RYR3: variants seen among roughly 807,000 people sequenced by gnomAD.
RYR3 encodes the protein brain ryanodine receptor-calcium release channel.
RYR3 carries 207 observed loss-of-function variants against 584.3 expected under a neutral mutation model. The observed-to-expected ratio is 0.35, with a 90% CI of 0.32 to 0.40. The LOEUF (loss-of-function observed/expected upper bound fraction) is 0.40. Ranked by LOEUF, RYR3 falls within the 10% of genes least tolerant of loss-of-function variation. The probability of loss-of-function intolerance (pLI) is 1.00; values close to 1 mark genes in which losing one functional copy is unlikely to be tolerated. For synonymous variants in RYR3, 2,416 were observed against 2,248.5 expected (o/e 1.07, Z -2.11); for missense variants, 5,616 against 6,089.2 (o/e 0.92, Z 2.59).
At chr15:33,725,192 C>CACACACACATATAT (rs1483938201) in intron 45 of RYR3, among the ~76,000 whole-genome samples, 6 of 145,518 alleles carry the variant, frequency 4.1e-5, no homozygotes, top group Non-Finnish European at 1.5e-5. Flanking sequence ...CACACACACA[C>CACACACACATATAT]ACACACACAC....
intron 2 of RYR3, among the ~76,000 whole-genome samples, chr15:33,474,606 T>C (rs1010933492): frequency 2.0e-5 from 3 of 152,240 alleles, no homozygotes; most frequent in Non-Finnish European, 4.4e-5. Flanking sequence ...GTCGTTTGGC[T>C]GAATAACGGC....
At chr15:33,572,409 G>C (rs7167772) in intron 12 of RYR3, among the ~76,000 whole-genome samples, 4,650 of 151,724 alleles carry the variant, frequency 0.031, 227 homozygotes, top group African/African-American at 0.1. Flanking sequence ...ACAGTTCGAG[G>C]TTCAGGCAGT....
At chr15:33,674,592 T>C (rs1279153479) in intron 38 of RYR3, among the ~76,000 whole-genome samples, 1 of 151,864 alleles carries the variant, frequency 6.6e-6, no homozygotes, top group Non-Finnish European at 1.5e-5. Context: ...TTGAGGCTCA[T>C]AAAAAAGAAG....
intron 69 of RYR3, among the ~76,000 whole-genome samples, chr15:33,803,193 A>G (rs986040170): frequency 6.6e-6 from 1 of 152,270 alleles, no homozygotes; most frequent in Non-Finnish European, 1.5e-5. Context: ...CACTTTTAGT[A>G]TGCATTGCTT....
At position 33,726,431 on chromosome 15, in the gene RYR3, C is replaced by G. The variant is rs758576038; in HGVS notation, c.6958C>G (p.Leu2320Val). Residue 2320 changes from leucine (L) to valine (V), a missense_variant, in exon 46 of 104, where the codon CTG becomes GTG. Around this residue, in one of 9 missense-constraint regions of RYR3, gnomAD observed 1,280 missense variants for 1,426.2 expected, o/e 0.90. Coordinates refer to ENST00000634891, the MANE Select transcript of RYR3 (RefSeq NM_001036.6). The stretch of plus-strand genomic sequence containing the variant: ...GGAAGCCATCCGCATCAGGTCCATC[C>G]TGCGCTCCCTGGTCCCCACAGAAGA... ...KGEAIRIRSI[L>V]RSLVPTEDLV... 1.2e-6 allele frequency: 2 copies of G among 1,611,954 alleles called. No homozygotes were observed. Among genetic ancestry groups the G allele is most frequent in the Non-Finnish European group, 1.7e-6 (2 of 1,179,040 alleles).
chr15:33,640,313 TC>T (rs2061729964), intron 27 of RYR3, among the ~76,000 whole-genome samples: 1 of 152,216 alleles, frequency 6.6e-6, no homozygotes, highest in South Asian at 2.1e-4. Flanking sequence ...GCCTGTTGTT[TC>T]CTTTGTTTTC....
chr15:33,757,686 G>A, intron 60 of RYR3, 90 bp downstream of exon 60: 1 of 1,403,120 alleles, frequency 7.1e-7, no homozygotes, highest in South Asian at 1.3e-5. Flanking sequence ...GAGTCTTTTG[G>A]AGAAATGAAA....
intron 2 of RYR3, among the ~76,000 whole-genome samples, chr15:33,493,888 A>T (rs934844296): frequency 6.6e-6 from 1 of 152,158 alleles, no homozygotes; most frequent in Non-Finnish European, 1.5e-5. Context: ...TTGGAGTTCA[A>T]CTTAGGCAAC....
At chr15:33,407,495 A>G (rs2043105925) in intron 1 of RYR3, among the ~76,000 whole-genome samples, 1 of 152,174 alleles carries the variant, frequency 6.6e-6, no homozygotes, top group South Asian at 2.1e-4. Context: ...ACAGAACAGC[A>G]GATGAGGCCA....
chr15:33,697,938 G>T lies in RYR3; in HGVS notation c.6191G>T (p.Gly2064Val). ...CATCCCAACCTCATGAGAGTCCTGGGCATGCACGAGACGGTGATGGAGGTG... is the reference window on the plus strand; with the variant it reads ...CATCCCAACCTCATGAGAGTCCTGGTCATGCACGAGACGGTGATGGAGGTG... ...YQHPNLMRVL[G>V]MHETVMEVMV... The change falls in exon 40 of 104, where the codon GGC becomes GTC. Residue 2064 changes from glycine to valine, a missense_variant. Transcript: ENST00000634891. The T allele has an allele frequency of 6.2e-7, 1 of 1,613,960 alleles. No homozygotes were observed. The highest frequency in any genetic ancestry group is 8.5e-7 in the Non-Finnish European group (1 of 1,179,848).
intron 58 of RYR3, among the ~76,000 whole-genome samples, chr15:33,755,557 G>C (rs12439461): frequency 0.19 from 29,036 of 152,138 alleles, 3,700 homozygotes; most frequent in Admixed American, 0.34. Flanking sequence ...GGGAGGCAGA[G>C]GTTGCAGTGA....
chr15:33,438,972 G>T (rs1243841306), intron 1 of RYR3, among the ~76,000 whole-genome samples: 1 of 152,028 alleles, frequency 6.6e-6, no homozygotes, highest in Non-Finnish European at 1.5e-5. Context: ...TGAGAGAATG[G>T]GCCGATGCTG....
intron 1 of RYR3, among the ~76,000 whole-genome samples, chr15:33,467,972 C>T (rs2048617370): frequency 6.6e-6 from 1 of 152,120 alleles, no homozygotes. Flanking sequence ...AACACCATCA[C>T]CATGGGCTTT....
chr15:33,825,831 C>G, intron 82 of RYR3, 155 bp downstream of exon 82: 1 of 545,958 alleles, frequency 1.8e-6, no homozygotes, highest in Non-Finnish European at 3.2e-6. Flanking sequence ...CTCCTGGGTT[C>G]AAGCACTTCT....
Position 33,351,078 on chromosome 15 carries a change from C to A in RYR3, c.51+39982C>A, listed in dbSNP as rs909837742. On this transcript the variant is annotated intron_variant, in intron 1 of 103. Transcript: ENST00000634891. ...TGCAATAAAAAATGATAAAGGGGAT[C>A]TCACCACCGATCCCACAGAAATACA... 8.3e-3 allele frequency among the ~76,000 whole-genome samples: 1,267 copies of A among 152,022 alleles called. 20 individuals carry two copies. The highest frequency in any genetic ancestry group is 0.029 in the African/African-American group (1,207 of 41,478).
At chr15:33,538,677 C>CT (rs2055543859) in intron 5 of RYR3, among the ~76,000 whole-genome samples, 1 of 152,184 alleles carries the variant, frequency 6.6e-6, no homozygotes, top group African/African-American at 2.4e-5. Context: ...CATTTTCTGC[C>CT]TTCGCAGGTA....
At chr15:33,375,832 A>G (rs1406214694) in intron 1 of RYR3, among the ~76,000 whole-genome samples, 1 of 152,202 alleles carries the variant, frequency 6.6e-6, no homozygotes, top group Non-Finnish European at 1.5e-5. Context: ...TGGGAGGCCG[A>G]GGCGGGCGGA....
intron 94 of RYR3, chr15:33,849,796 C>T (rs1038239736): frequency 3.9e-5 from 6 of 152,138 alleles, no homozygotes; most frequent in African/African-American, 1.4e-4. Context: ...TGCAAAGGTA[C>T]AACTAAGGAT....
chr15:33,806,875 T>A (rs1181154846), intron 69 of RYR3, among the ~76,000 whole-genome samples: 1 of 151,666 alleles, frequency 6.6e-6, no homozygotes, highest in African/African-American at 2.4e-5. Flanking sequence ...TGCCTCAGCA[T>A]CCCTAGTAGC....
Sources: allele counts gnomAD v4.1 joint callset (sites outside exome capture counted in the v4.1 genomes callset), GRCh38; gene constraint gnomAD v4.1.1; regional missense constraint gnomAD v4.1.1; transcripts MANE v1.5; gene names NCBI Gene and HGNC (gene_info 2026-07-23, HGNC 2026-07-21).